Variants in TRPM3 observed in about 807,000 individuals in gnomAD.
The protein encoded by TRPM3 is long transient receptor potential channel 3.
In TRPM3, 77 loss-of-function variants were observed where a neutral mutation model predicts 181.2. The observed-to-expected ratio is 0.42, with a 90% CI of 0.35 to 0.51. The LOEUF is 0.51. Ranked by LOEUF, TRPM3 falls within the 20% of genes least tolerant of loss-of-function variation. The pLI, the probability that TRPM3 is intolerant of heterozygous loss-of-function variation, is 0.01. For synonymous variants in TRPM3, 745 were observed against 796.4 expected (o/e 0.94, Z 1.09); for missense variants, 1,759 against 2,196.7 (o/e 0.80, Z 3.98).
At chr9:71,263,153 A>G (rs951707800) in intron 1 of TRPM3, among the ~76,000 whole-genome samples, 8 of 152,194 alleles carry the variant, frequency 5.3e-5, no homozygotes, top group Non-Finnish European at 1.0e-4. Context: ...ACTTAAAACT[A>G]TTACAATCCT....
intron 1 of TRPM3, among the ~76,000 whole-genome samples, chr9:71,265,148 A>G (rs1193939187): frequency 6.6e-6 from 1 of 152,228 alleles, no homozygotes; most frequent in Non-Finnish European, 1.5e-5. Context: ...GATGCAAAGA[A>G]AAAACATAAA....
At chr9:71,388,219 A>G (rs1051593047) in intron 1 of TRPM3, among the ~76,000 whole-genome samples, 6 of 152,200 alleles carry the variant, frequency 3.9e-5, no homozygotes, top group East Asian at 1.9e-4. Context: ...TATGTTTACA[A>G]TCTCATACAG....
At chr9:70,675,812 G>T (rs540838356) in intron 9 of TRPM3, among the ~76,000 whole-genome samples, 1 of 152,162 alleles carries the variant, frequency 6.6e-6, no homozygotes, top group Non-Finnish European at 1.5e-5. Flanking sequence ...TCCAAAGATC[G>T]CTATCTCCTT....
At chr9:71,379,050 A>G (rs1311831253) in intron 1 of TRPM3, among the ~76,000 whole-genome samples, 1 of 152,030 alleles carries the variant, frequency 6.6e-6, no homozygotes, top group Non-Finnish European at 1.5e-5. Flanking sequence ...TTTTAGGTGT[A>G]AAGTGGCATT....
At chr9:71,374,371 C>G (rs1175950905) in intron 1 of TRPM3, among the ~76,000 whole-genome samples, 1 of 149,484 alleles carries the variant, frequency 6.7e-6, no homozygotes, top group African/African-American at 2.5e-5. Context: ...GACTCCGTGT[C>G]AAAAAAACAA....
chr9:70,818,962 T>C (rs2092930212), intron 6 of TRPM3, among the ~76,000 whole-genome samples: 1 of 152,242 alleles, frequency 6.6e-6, no homozygotes, highest in Non-Finnish European at 1.5e-5. Flanking sequence ...TAAATACATA[T>C]TTTGAATCTC....
rs1172684517 is a variant in TRPM3, at chr9:70,598,622, G to T, written c.2845C>A (p.Leu949Met). The change falls in exon 21 of 26, where the codon CTG becomes ATG. Residue 949 changes from leucine to methionine, a missense_variant. Leu to Met is a conservative substitution (Grantham distance 15, BLOSUM62 2). Transcript: ENST00000677713. Reference sequence around the variant, plus strand: ...TCCGTGACATTCCAGTACTCCTGCAGCCATACCTTCACTTTCTGTAGCAAC... The same window carrying T: ...TCCGTGACATTCCAGTACTCCTGCATCCATACCTTCACTTTCTGTAGCAAC... ...GKLLQKVKVW[L>M]QEYWNVTDLI... is the part of the protein sequence containing the mutation. 6.2e-7 allele frequency: 1 copy of T among 1,614,176 alleles called. No homozygotes were observed. The highest frequency in any genetic ancestry group is 8.5e-7 in the Non-Finnish European group (1 of 1,180,010).
At chr9:70,887,059 A>C (rs150352727) in intron 1 of TRPM3, among the ~76,000 whole-genome samples, 209 of 152,314 alleles carry the variant, frequency 1.4e-3, no homozygotes, top group African/African-American at 4.8e-3. Context: ...CTTCTACATT[A>C]AAATCTGTAA....
chr9:70,781,819 T>C (rs909533128), intron 7 of TRPM3, among the ~76,000 whole-genome samples: 8 of 152,120 alleles, frequency 5.3e-5, no homozygotes, highest in South Asian at 2.1e-4. Flanking sequence ...AAGGGCAATC[T>C]AAGTATTTTA....
rs921150505 is a variant in TRPM3 at position 70,532,352 on chromosome 9, G to A, written c.*3601C>T. 7 of 152,108 alleles carry A rather than the reference G, an allele frequency of 4.6e-5. No individual in the cohort carries two copies. Among genetic ancestry groups the A allele is most frequent in the South Asian group, 4.1e-4 (2 of 4,820 alleles). 9.4% of individuals were successfully genotyped at this position (152,108 alleles called of 1,614,324 possible). A position where few individuals can be genotyped will look rare whatever the true frequency, so the allele number is the denominator to read the frequency against. On this transcript the variant is annotated 3_prime_UTR_variant, in exon 26 of 26. Transcript: ENST00000677713. ...GTGTTTTTATGAGTACATTTTTCTC[G>A]TTTGATTATTCTTATATATATATTT...
At chr9:70,869,086 C>A in intron 1 of TRPM3, 1 of 981,908 alleles carries the variant, frequency 1.0e-6, no homozygotes, top group Non-Finnish European at 1.2e-6. Context: ...TAATAATGCT[C>A]TTATGACCGC....
At chr9:71,181,950 A>C (rs1378586818) in intron 1 of TRPM3, among the ~76,000 whole-genome samples, 1 of 152,126 alleles carries the variant, frequency 6.6e-6, no homozygotes, top group Non-Finnish European at 1.5e-5. Context: ...ACTCAGAATC[A>C]CCAGGAGGGC....
intron 1 of TRPM3, among the ~76,000 whole-genome samples, chr9:71,357,086 C>T (rs2091929824): frequency 1.3e-5 from 2 of 152,246 alleles, no homozygotes; most frequent in Middle Eastern, 6.8e-3. Flanking sequence ...AGAGAGCCCA[C>T]CTGCCAGAAA....
intron 1 of TRPM3, among the ~76,000 whole-genome samples, chr9:71,203,543 G>C (rs138253612): frequency 1.3e-5 from 2 of 152,280 alleles, no homozygotes; most frequent in East Asian, 3.9e-4. Flanking sequence ...AATGATATCA[G>C]AAAGAATAAC....
At chr9:70,683,542 G>A (rs935363142) in intron 8 of TRPM3, among the ~76,000 whole-genome samples, 7 of 141,004 alleles carry the variant, frequency 5.0e-5, no homozygotes, top group Non-Finnish European at 1.1e-4. Context: ...TTACAGATGT[G>A]AGCCACCATG....
At chr9:71,280,230 A>T (rs2084595949) in intron 1 of TRPM3, among the ~76,000 whole-genome samples, 1 of 152,158 alleles carries the variant, frequency 6.6e-6, no homozygotes, top group Non-Finnish European at 1.5e-5. Context: ...CAGGCACGTG[A>T]ATGCCATATG....
intron 1 of TRPM3, among the ~76,000 whole-genome samples, chr9:71,308,726 A>T (rs911866468): frequency 1.5e-4 from 22 of 151,594 alleles, no homozygotes; most frequent in African/African-American, 5.1e-4. Context: ...GAAACCACAG[A>T]AGCAGAAAAC....
rs1007704020 is a variant in TRPM3 at position 71,440,060 on chromosome 9, T to C, written c.183+6593A>G. Among the ~76,000 whole-genome samples, 22 of 152,214 alleles carry C rather than the reference T, an allele frequency of 1.4e-4. No individual in the cohort carries two copies. In the East Asian group the frequency reaches 4.3e-3, roughly 29 times the overall value. ...ATGGCGTGAACCCAGGAGGCGAAGC[T>C]TGCAGTGAGCCGAGATTGAGCCACT... On this transcript the variant is annotated intron_variant, in intron 1 of 24. Coordinates refer to the TRPM3 transcript ENST00000357533.
chr9:70,823,994 T>G (rs1370762929), intron 6 of TRPM3, among the ~76,000 whole-genome samples: 3 of 152,036 alleles, frequency 2.0e-5, no homozygotes, highest in East Asian at 3.9e-4. Context: ...AAAGTCAGAG[T>G]GTGGAGAAAA....
Sources: allele counts gnomAD v4.1 joint callset (sites outside exome capture counted in the v4.1 genomes callset), GRCh38; gene constraint gnomAD v4.1.1; transcripts MANE v1.5; gene names NCBI Gene and HGNC (gene_info 2026-07-23, HGNC 2026-07-21).